The following SKIC3 variants were observed in gnomAD, a reference collection of about 807,000 sequenced individuals.
The protein encoded by SKIC3 is SKI3 subunit of superkiller complex.
chr5:95,547,146 G>A, the SKIC3 span: 6 of 1,612,720 alleles, frequency 3.7e-6, no homozygotes, highest in Admixed American at 5.0e-5. Context: ...TTCCTTGCTG[G>A]ACATTCTGTC....
At chr5:95,497,488 G>C in the SKIC3 span, 1 of 1,613,110 alleles carries the variant, frequency 6.2e-7, no homozygotes, top group South Asian at 1.1e-5. Context: ...CACCAGGGTT[G>C]CTAAAGGAAT....
the SKIC3 span, among the ~76,000 whole-genome samples, chr5:95,485,277 T>C: frequency 5.9e-5 from 9 of 152,282 alleles, no homozygotes; most frequent in Admixed American, 3.9e-4. Flanking sequence ...ACCACTTCTG[T>C]CCCCAACCTA....
At chr5:95,544,185 C>T in the SKIC3 span, among the ~76,000 whole-genome samples, 1 of 152,268 alleles carries the variant, frequency 6.6e-6, no homozygotes, top group East Asian at 1.9e-4. Context: ...TTCTTGTCAC[C>T]TAAGTCAGAG....
At chr5:95,547,491 T>G in the SKIC3 span, among the ~76,000 whole-genome samples, 27 of 152,260 alleles carry the variant, frequency 1.8e-4, no homozygotes, top group Admixed American at 1.8e-3. Context: ...TTCTACTTAT[T>G]TATCCTGTTT....
chr5:95,516,653 A>C, the SKIC3 span: 1 of 1,613,166 alleles, frequency 6.2e-7, no homozygotes, highest in Non-Finnish European at 8.5e-7. Flanking sequence ...AAAATATTGA[A>C]GTGTTACTCA....
the SKIC3 span, among the ~76,000 whole-genome samples, chr5:95,534,955 T>C: frequency 1.2e-3 from 187 of 152,342 alleles, no homozygotes; most frequent in African/African-American, 4.4e-3. Flanking sequence ...CAAATCATCA[T>C]GCCATATTGG....
the SKIC3 span, chr5:95,494,953 G>A: frequency 1.2e-6 from 2 of 1,613,116 alleles, no homozygotes; most frequent in Admixed American, 1.7e-5. Context: ...TTTGTACTAG[G>A]ACAAACTAAC....
At chr5:95,481,153 G>A in the SKIC3 span, among the ~76,000 whole-genome samples, 2 of 152,040 alleles carry the variant, frequency 1.3e-5, no homozygotes, top group African/African-American at 4.8e-5. Context: ...CACACATGCA[G>A]TCTCTTAAGA....
chr5:95,471,352 C>T, the SKIC3 span, among the ~76,000 whole-genome samples: 1 of 152,148 alleles, frequency 6.6e-6, no homozygotes, highest in Admixed American at 6.5e-5. Flanking sequence ...GAAAAAGTTA[C>T]TATATATACC....
chr5:95,522,214 G>A, the SKIC3 span: 1 of 1,613,800 alleles, frequency 6.2e-7, no homozygotes, highest in Non-Finnish European at 8.5e-7. Context: ...AGGACTTCAA[G>A]GCTGTTGTGT....
chr5:95,529,309 T>C, the SKIC3 span: 2 of 613,732 alleles, frequency 3.3e-6, no homozygotes, highest in African/African-American at 1.8e-5. Context: ...CCACCATCTT[T>C]ATCCCAAATC....
At chr5:95,528,003 A>G in the SKIC3 span, 1 of 1,613,454 alleles carries the variant, frequency 6.2e-7, no homozygotes, top group African/African-American at 1.3e-5. Context: ...AAAAAACTTG[A>G]CAAGTCTACC....
chr5:95,512,459 A>G, the SKIC3 span: 2 of 1,611,336 alleles, frequency 1.2e-6, no homozygotes, highest in African/African-American at 2.7e-5. Context: ...TCTTGCTATT[A>G]TATAACAGGT....
At chr5:95,519,424 T>C in the SKIC3 span, among the ~76,000 whole-genome samples, 2 of 151,968 alleles carry the variant, frequency 1.3e-5, no homozygotes, top group Non-Finnish European at 2.9e-5. Context: ...TCCAATGTCT[T>C]CCTAAGAAAT....
chr5:95,507,063 A>G, the SKIC3 span: 3 of 1,520,062 alleles, frequency 2.0e-6, no homozygotes, highest in Non-Finnish European at 2.7e-6. Context: ...GCATTCTGTT[A>G]CCTTCCTCTT....
At chr5:95,507,870 T>C in the SKIC3 span, among the ~76,000 whole-genome samples, 2 of 151,804 alleles carry the variant, frequency 1.3e-5, no homozygotes, top group Non-Finnish European at 2.9e-5. Context: ...AGATGCCATT[T>C]TAAGCCTAAG....
At chr5:95,486,422 A>G in the SKIC3 span, among the ~76,000 whole-genome samples, 1 of 152,164 alleles carries the variant, frequency 6.6e-6, no homozygotes, top group Non-Finnish European at 1.5e-5. Context: ...GAAGGCTGCA[A>G]CCCTATGGCT....
chr5:95,534,985 T>C, the SKIC3 span, among the ~76,000 whole-genome samples: 1 of 152,128 alleles, frequency 6.6e-6, no homozygotes, highest in Non-Finnish European at 1.5e-5. Flanking sequence ...TCAGGAGAGG[T>C]GAAAGTTAAA....
the SKIC3 span, chr5:95,490,778 G>T: frequency 5.0e-5 from 61 of 1,218,060 alleles, no homozygotes; most frequent in Non-Finnish European, 6.5e-5. Context: ...GATTACAGGC[G>T]TGAGCCACCA....
Sources: allele counts gnomAD v4.1 joint callset (sites outside exome capture counted in the v4.1 genomes callset), GRCh38; gene constraint gnomAD v4.1.1; transcripts MANE v1.5; gene names NCBI Gene and HGNC (gene_info 2026-07-23, HGNC 2026-07-21).